EPHA5: variants seen among roughly 807,000 people sequenced by gnomAD.
EPHA5 encodes ephrin type-A receptor 5.
In EPHA5, 60 loss-of-function variants were observed where a neutral mutation model predicts 105.0. That is an observed-to-expected ratio of 0.57 (90% CI 0.46 to 0.71). The LOEUF (loss-of-function observed/expected upper bound fraction) is 0.71, where lower values mean the gene tolerates loss of function less well. Ranked by LOEUF, EPHA5 falls within the 30% of genes least tolerant of loss-of-function variation. The probability of loss-of-function intolerance (pLI) is 0.00; values close to 1 mark genes in which losing one functional copy is unlikely to be tolerated. For synonymous variants in EPHA5, 513 were observed against 449.1 expected (o/e 1.14, Z -1.80); for missense variants, 1,218 against 1,274.7 (o/e 0.96, Z 0.68).
At chr4:65,586,687 A>G (rs905704096) in intron 3 of EPHA5, among the ~76,000 whole-genome samples, 21 of 152,000 alleles carry the variant, frequency 1.4e-4, no homozygotes, top group African/African-American at 4.8e-4. Context: ...TAAGCATAAC[A>G]AAGCTGTATT....
At chr4:65,581,106 T>C (rs576403278) in intron 3 of EPHA5, among the ~76,000 whole-genome samples, 8 of 151,892 alleles carry the variant, frequency 5.3e-5, no homozygotes, top group Admixed American at 1.3e-4. Flanking sequence ...CCTTTATCTA[T>C]CGTTTGTTCT....
chr4:65,643,696 T>TA (rs938470157), intron 1 of EPHA5, among the ~76,000 whole-genome samples: 15 of 148,038 alleles, frequency 1.0e-4, no homozygotes, highest in South Asian at 4.3e-4. Flanking sequence ...ATAATAAATT[T>TA]AAAAAAAAAG....
intron 14 of EPHA5, among the ~76,000 whole-genome samples, chr4:65,339,536 G>T (rs1411795300): frequency 6.6e-6 from 1 of 152,064 alleles, no homozygotes; most frequent in Non-Finnish European, 1.5e-5. Context: ...TAAGCTCTTA[G>T]GGCATATTTC....
At chr4:65,406,372 G>T (rs1722355700) in intron 7 of EPHA5, among the ~76,000 whole-genome samples, 1 of 152,082 alleles carries the variant, frequency 6.6e-6, no homozygotes, top group Non-Finnish European at 1.5e-5. Context: ...CTCCACCATT[G>T]TAAGGCGTTT....
chr4:65,481,638 A>G (rs1336399047), intron 5 of EPHA5, among the ~76,000 whole-genome samples: 1 of 152,204 alleles, frequency 6.6e-6, no homozygotes, highest in Admixed American at 6.5e-5. Context: ...CTTGGGAGCC[A>G]ATTATCTAGT....
chr4:65,527,085 A>G (rs1578339423), intron 3 of EPHA5, among the ~76,000 whole-genome samples: 1 of 152,068 alleles, frequency 6.6e-6, no homozygotes, highest in Non-Finnish European at 1.5e-5. Context: ...GAGAATTTGT[A>G]TATAGTGCTT....
At chr4:65,545,647 A>G (rs892852901) in intron 3 of EPHA5, among the ~76,000 whole-genome samples, 4 of 152,012 alleles carry the variant, frequency 2.6e-5, no homozygotes, top group African/African-American at 9.7e-5. Flanking sequence ...GAATATGAAT[A>G]GAGAACAAGA....
At chr4:65,548,578 T>C (rs925677357) in intron 3 of EPHA5, among the ~76,000 whole-genome samples, 1 of 152,004 alleles carries the variant, frequency 6.6e-6, no homozygotes, top group Non-Finnish European at 1.5e-5. Flanking sequence ...TTGAAGAAAC[T>C]CTGATCCAAA....
chr4:65,601,437 G>A (rs1743712814), intron 3 of EPHA5, among the ~76,000 whole-genome samples: 2 of 152,102 alleles, frequency 1.3e-5, no homozygotes, highest in African/African-American at 2.4e-5. Context: ...TATTAATTAT[G>A]TATATCCAAT....
At chr4:65,608,163 C>T (rs141864849) in intron 2 of EPHA5, among the ~76,000 whole-genome samples, 115 of 152,282 alleles carry the variant, frequency 7.6e-4, no homozygotes, top group Middle Eastern at 6.8e-3. Flanking sequence ...AACAAACCTG[C>T]ACGTTCTGCA....
intron 2 of EPHA5, among the ~76,000 whole-genome samples, chr4:65,602,560 T>A (rs1168566255): frequency 6.6e-6 from 1 of 152,072 alleles, no homozygotes; most frequent in East Asian, 1.9e-4. Flanking sequence ...CGAACACATA[T>A]GAATATGCCC....
chr4:65,659,418 C>A (rs146730826), intron 1 of EPHA5, among the ~76,000 whole-genome samples: 1 of 148,382 alleles, frequency 6.7e-6, no homozygotes, highest in South Asian at 2.2e-4. Context: ...GGGAACAGTT[C>A]TCCCCTTGTG....
chr4:65,428,910 AAAAT>A (rs1724713703), intron 5 of EPHA5, among the ~76,000 whole-genome samples: 1 of 152,070 alleles, frequency 6.6e-6, no homozygotes, highest in Non-Finnish European at 1.5e-5. Context: ...AGTATTCTGT[AAAAT>A]AACAGTGCAA....
chr4:65,599,512 TA>T (rs1282966165), intron 3 of EPHA5, among the ~76,000 whole-genome samples: 8 of 152,158 alleles, frequency 5.3e-5, no homozygotes, highest in African/African-American at 1.9e-4. Flanking sequence ...GTGTGTAGAA[TA>T]AATACTTGAA....
chr4:65,450,085 T>A (rs1044163528), intron 5 of EPHA5, among the ~76,000 whole-genome samples: 1 of 151,946 alleles, frequency 6.6e-6, no homozygotes, highest in Non-Finnish European at 1.5e-5. Context: ...TGCAAAAGAG[T>A]CATGAATATT....
Position 65,440,673 on chromosome 4 carries a change from ATTAC to A in EPHA5, c.1403-20112_1403-20109del, listed in dbSNP as rs1318704730. Among the ~76,000 whole-genome samples, 3 of 152,086 alleles carry A rather than the reference ATTAC, an allele frequency of 2.0e-5. No homozygotes were observed. In the East Asian group the frequency reaches 5.8e-4, roughly 29 times the overall value. On this transcript the variant is annotated intron_variant, in intron 5 of 16. Coordinates refer to ENST00000613740, the MANE Select transcript of EPHA5 (RefSeq NM_001281766.3). ...GTAATCATAAGCAATTCAAAGATTT[ATTAC>A]TCATCCAGGCATATGCAAAGCAAGC...
intron 3 of EPHA5, among the ~76,000 whole-genome samples, chr4:65,599,123 G>A (rs1743461594): frequency 6.6e-6 from 1 of 152,052 alleles, no homozygotes; most frequent in South Asian, 2.1e-4. Context: ...ATTGAAGGAA[G>A]AAGGAAATAG....
rs560868828 is a variant in EPHA5 at position 65,650,875 on chromosome 4, T to C, written c.182-7448A>G. Among the ~76,000 whole-genome samples the C allele has an allele frequency of 4.6e-5, 7 of 152,342 alleles. No individual in the cohort carries two copies. The South Asian group carries it at 1.4e-3, about 32-fold the overall frequency. On this transcript the variant is annotated intron_variant, in intron 1 of 16. Coordinates refer to ENST00000613740, the MANE Select transcript of EPHA5 (RefSeq NM_001281766.3). Reference sequence around the variant, plus strand: ...CCACCAATATAATCATGTCCCTCTCTTACTTCAATCTTGTAATATTCTTAT... The same window carrying C: ...CCACCAATATAATCATGTCCCTCTCCTACTTCAATCTTGTAATATTCTTAT...
At chr4:65,489,915 A>C (rs917944084) in intron 5 of EPHA5, among the ~76,000 whole-genome samples, 1 of 152,234 alleles carries the variant, frequency 6.6e-6, no homozygotes, top group Admixed American at 6.5e-5. Flanking sequence ...AGTTGAAAAA[A>C]TATGAAAAGA....
Sources: gnomAD v4.1 joint callset for allele counts (sites outside exome capture counted in the v4.1 genomes callset) on GRCh38, gnomAD v4.1.1 for gene constraint, MANE v1.5 for transcripts, NCBI Gene and HGNC (gene_info 2026-07-23, HGNC 2026-07-21) for gene names.